Variants in TBC1D5 observed in about 807,000 individuals in gnomAD.
The protein encoded by TBC1D5 is TBC1 domain family member 5.
A neutral mutation model predicts 100.3 loss-of-function variants in TBC1D5; 75 were observed. The ratio of observed to expected loss-of-function variants is 0.75; its 90% CI spans 0.62 to 0.91. The LOEUF (loss-of-function observed/expected upper bound fraction) is 0.91, where lower values mean the gene tolerates loss of function less well. TBC1D5 is among the 40% of genes least tolerant of loss of function. The pLI is 0.00. For synonymous variants in TBC1D5, 323 were observed against 325.6 expected, an observed-to-expected ratio of 0.99 and a Z score of 0.09; for missense variants, 910 against 942.4, an observed-to-expected ratio of 0.97 and a Z score of 0.45.
chr3:17,450,527 G>C (rs1463278690), intron 3 of TBC1D5, among the ~76,000 whole-genome samples: 1 of 152,142 alleles, frequency 6.6e-6, no homozygotes, highest in Non-Finnish European at 1.5e-5. Flanking sequence ...AACCAGTGTA[G>C]AGAAGAACAT....
intron 3 of TBC1D5, among the ~76,000 whole-genome samples, chr3:17,453,336 G>A (rs1296262943): frequency 6.6e-6 from 1 of 151,438 alleles, no homozygotes; most frequent in Non-Finnish European, 1.5e-5. Context: ...AGATGAATTT[G>A]AAATAAACAA....
intron 16 of TBC1D5, 41 bp downstream of exon 16, chr3:17,258,465 C>T (rs954507684): frequency 3.9e-5 from 62 of 1,572,632 alleles, no homozygotes; most frequent in Non-Finnish European, 2.1e-5. Flanking sequence ...TCTGAGACTA[C>T]CTTTGTGATT....
At chr3:17,593,705 G>A (rs1040906631) in intron 2 of TBC1D5, among the ~76,000 whole-genome samples, 1 of 152,180 alleles carries the variant, frequency 6.6e-6, no homozygotes, top group Admixed American at 6.5e-5. Flanking sequence ...AGCTAAAGAA[G>A]TGCAGCGGTG....
intron 2 of TBC1D5, among the ~76,000 whole-genome samples, chr3:17,541,527 G>A (rs1462806273): frequency 6.6e-6 from 1 of 152,026 alleles, no homozygotes; most frequent in Non-Finnish European, 1.5e-5. Context: ...ATTGCTTTTT[G>A]TGTGTTGGCA....
chr3:17,622,374 A>C (rs191510377), intron 2 of TBC1D5, among the ~76,000 whole-genome samples: 2 of 152,264 alleles, frequency 1.3e-5, no homozygotes, highest in Non-Finnish European at 2.9e-5. Flanking sequence ...CCAATCCTCA[A>C]AAATGTCTGC....
chr3:17,391,053 G>A (rs2093336124), intron 8 of TBC1D5, among the ~76,000 whole-genome samples: 2 of 152,018 alleles, frequency 1.3e-5, no homozygotes, highest in Admixed American at 1.3e-4. Context: ...CTTCCCCACC[G>A]GCAGGCCTCT....
chr3:17,448,479 G>T (rs1438920557), intron 3 of TBC1D5, among the ~76,000 whole-genome samples: 2 of 152,196 alleles, frequency 1.3e-5, no homozygotes, highest in African/African-American at 4.8e-5. Context: ...TGGCAGCTAT[G>T]AATTATGAAA....
chr3:17,458,559 T>C (rs1009665356), intron 3 of TBC1D5, among the ~76,000 whole-genome samples: 1 of 152,196 alleles, frequency 6.6e-6, no homozygotes, highest in African/African-American at 2.4e-5. Flanking sequence ...AACGATCATC[T>C]TAGTTGATCT....
At position 17,234,169 on chromosome 3, in the gene TBC1D5, A is replaced by C. The variant is rs547030100; in HGVS notation, c.1588+3994T>G. On this transcript the variant is annotated intron_variant, in intron 17 of 21. Transcript: ENST00000253692. ...CTATATCAGACAAAATTTATTTTTAACTAACTTGAAACCAACTTCTTCAGT... is the reference window on the plus strand; with the variant it reads ...CTATATCAGACAAAATTTATTTTTACCTAACTTGAAACCAACTTCTTCAGT... 5.9e-5 allele frequency among the ~76,000 whole-genome samples: 9 copies of C among 152,250 alleles called. No individual in the cohort carries two copies. The East Asian group carries it at 1.5e-3, about 26-fold the overall frequency.
At chr3:17,700,550 G>C (rs1232569085) in intron 1 of TBC1D5, among the ~76,000 whole-genome samples, 1 of 152,070 alleles carries the variant, frequency 6.6e-6, no homozygotes, top group Admixed American at 6.5e-5. Context: ...GCAACCTACA[G>C]AATAGGAGAA....
chr3:17,278,836 G>A (rs1007781133), intron 15 of TBC1D5, among the ~76,000 whole-genome samples: 9 of 152,176 alleles, frequency 5.9e-5, no homozygotes, highest in Non-Finnish European at 1.2e-4. Context: ...TTGTGTTTCT[G>A]TGTTTAAAAC....
intron 13 of TBC1D5, among the ~76,000 whole-genome samples, chr3:17,350,952 G>C (rs1385003164): frequency 2.0e-5 from 3 of 152,022 alleles, no homozygotes; most frequent in African/African-American, 7.2e-5. Context: ...AAATACTATA[G>C]AAGATGGCTT....
chr3:17,599,304 A>AC (rs1004709966), intron 2 of TBC1D5, among the ~76,000 whole-genome samples: 3 of 151,846 alleles, frequency 2.0e-5, no homozygotes, highest in South Asian at 4.2e-4. Context: ...TACCCATAAA[A>AC]CCCCCCAAAC....
intron 2 of TBC1D5, among the ~76,000 whole-genome samples, chr3:17,562,365 AC>A (rs1469814977): frequency 6.6e-6 from 1 of 152,012 alleles, no homozygotes; most frequent in Admixed American, 6.6e-5. Context: ...ATTTTACCCA[AC>A]CCAATAGGTC....
intron 1 of TBC1D5, among the ~76,000 whole-genome samples, chr3:17,653,134 T>C (rs764578255): frequency 3.1e-4 from 47 of 152,252 alleles, no homozygotes; most frequent in Non-Finnish European, 5.7e-4. Context: ...TAAATCTACA[T>C]AGTCAGAACA....
At chr3:17,719,038 A>T (rs1202020430) in intron 1 of TBC1D5, among the ~76,000 whole-genome samples, 1 of 152,190 alleles carries the variant, frequency 6.6e-6, no homozygotes, top group Non-Finnish European at 1.5e-5. Flanking sequence ...GAAATTTTAA[A>T]AATAAAATCA....
chr3:17,359,814 T>C (rs2091541870), intron 13 of TBC1D5, among the ~76,000 whole-genome samples: 1 of 151,984 alleles, frequency 6.6e-6, no homozygotes, highest in Non-Finnish European at 1.5e-5. Flanking sequence ...TAGCTCTAGA[T>C]ATTCAATTTG....
Position 17,547,953 on chromosome 3 carries a change from G to A in TBC1D5, c.-35-39348C>T, listed in dbSNP as rs368507228. On this transcript the variant is annotated intron_variant, in intron 2 of 21. Transcript: ENST00000253692. ...AATTTTATAAAACAATGATTAAAATGTAAGTTGGCTAAGATCTAAAACATA... is the reference window on the plus strand; with the variant it reads ...AATTTTATAAAACAATGATTAAAATATAAGTTGGCTAAGATCTAAAACATA... 4.6e-5 allele frequency among the ~76,000 whole-genome samples: 7 copies of A among 152,218 alleles called. No individual in the cohort carries two copies. In the East Asian group the frequency reaches 7.7e-4, roughly 17 times the overall value.
rs544718817 is a variant in TBC1D5 at position 17,418,601 on chromosome 3, TA to T, written c.167+9848del. Among the ~76,000 whole-genome samples, 795 of 136,436 alleles carry T rather than the reference TA, an allele frequency of 5.8e-3. 5 individuals are homozygous for T. Among genetic ancestry groups the T allele is most frequent in the East Asian group, 0.033 (159 of 4,770 alleles). 89.5% of individuals were successfully genotyped at this position (136,436 alleles called of 152,430 possible). A position where few individuals can be genotyped will look rare whatever the true frequency, so the allele number is the denominator to read the frequency against. ...AGCAACAGAGTAAGACCCCATCTAA[TA>T]AAAAAAAAAAAACTATGATATACTG... On this transcript the variant is annotated intron_variant, in intron 4 of 21. Coordinates refer to ENST00000253692, the Ensembl canonical transcript of TBC1D5.
Sources: gnomAD v4.1 joint callset for allele counts (sites outside exome capture counted in the v4.1 genomes callset) on GRCh38, gnomAD v4.1.1 for gene constraint, MANE v1.5 for transcripts, NCBI Gene and HGNC (gene_info 2026-07-23, HGNC 2026-07-21) for gene names.